Variants in LAMC1 observed in about 807,000 individuals in gnomAD.
The protein encoded by LAMC1 is laminin subunit gamma 1.
LAMC1 carries 38 observed loss-of-function variants against 173.6 expected under a neutral mutation model. The observed-to-expected ratio is 0.22, with a 90% CI of 0.17 to 0.29. The LOEUF is 0.29. Among genes scored for constraint, LAMC1 ranks in the 10% least tolerant of loss-of-function variants. The probability of loss-of-function intolerance (pLI) is 1.00; values close to 1 mark genes in which losing one functional copy is unlikely to be tolerated. For missense variants in LAMC1, 1,824 were observed against 2,051.8 expected, an observed-to-expected ratio of 0.89 and a Z score of 2.14; for synonymous variants, 746 against 749.1, an observed-to-expected ratio of 1.00 and a Z score of 0.07.
intron 2 of LAMC1, 22 bp downstream of exon 2, chr1:183,103,654 T>C: frequency 6.6e-7 from 1 of 1,522,020 alleles, no homozygotes; most frequent in South Asian, 1.3e-5. Context: ...CAGGTTGGCC[T>C]GAAGCCAGCT....
At chr1:183,041,559 C>A (rs146533619) in intron 1 of LAMC1, among the ~76,000 whole-genome samples, 1 of 152,186 alleles carries the variant, frequency 6.6e-6, no homozygotes, top group Non-Finnish European at 1.5e-5. Flanking sequence ...ATTGTTTTCT[C>A]TCTTTCCCCC....
At position 183,140,397 on chromosome 1, in the gene LAMC1, C is replaced by T. The variant is rs1244245295; in HGVS notation, c.4474-7C>T. 1 of 1,601,112 alleles carries T rather than the reference C, an allele frequency of 6.2e-7. No individual in the cohort carries two copies. Among genetic ancestry groups the T allele is most frequent in the South Asian group, 1.1e-5 (1 of 90,374 alleles). ...TCAAGACTCTTTGCCTCATTTTTCCCTTACAGGCTTCACAGGCTGCTCAAG... is the reference window on the plus strand; with the variant it reads ...TCAAGACTCTTTGCCTCATTTTTCCTTTACAGGCTTCACAGGCTGCTCAAG... On this transcript the variant is annotated splice_region_variant and splice_polypyrimidine_tract_variant and intron_variant, in intron 26 of 27. Coordinates refer to ENST00000258341, the MANE Select transcript of LAMC1 (RefSeq NM_002293.4).
rs143552800 is a variant in LAMC1, at chr1:183,124,993, G to A, written c.2647+117G>A. 2,169 of 1,342,978 alleles carry A rather than the reference G, an allele frequency of 1.6e-3. 3 individuals are homozygous for A. Among genetic ancestry groups the A allele is most frequent in the Non-Finnish European group, 2.0e-3 (1,946 of 992,426 alleles). The allele number at this position is 1,342,978 out of a possible 1,614,324, so 83.2% of individuals were successfully genotyped here. ...GTCCAATAGAAATACATTGTGAACC[G>A]CTTTTGTCTTTTAAAATTTTCTAGT... On this transcript the variant is annotated intron_variant, in intron 14 of 27. Transcript: ENST00000258341.
chr1:183,130,675 A>C, intron 19 of LAMC1, 126 bp downstream of exon 19: 1 of 717,140 alleles, frequency 1.4e-6, no homozygotes. Context: ...TTTGTCCCTA[A>C]ATATGGGGCA....
intron 23 of LAMC1, 77 bp from the exon 24 acceptor site, chr1:183,134,965 T>G: frequency 1.4e-6 from 2 of 1,387,338 alleles, no homozygotes; most frequent in South Asian, 1.2e-5. Context: ...GTGGCACCTC[T>G]GGAGAGCCTT....
rs202207093 is a variant in LAMC1, at chr1:183,127,364, G to T, written c.3083G>T (p.Cys1028Phe). The T allele has an allele frequency of 4.3e-6, 7 of 1,614,012 alleles. No homozygotes were observed. The highest frequency in any genetic ancestry group is 5.9e-6 in the Non-Finnish European group (7 of 1,180,002). Residue 1028 changes from cysteine (C) to phenylalanine (F), a missense_variant, in exon 17 of 28, where the codon TGC (cysteine) becomes TTC (phenylalanine). Coordinates refer to ENST00000258341, the MANE Select transcript of LAMC1 (RefSeq NM_002293.4). ...NYFYNRSWPGCQECPACYRLV... is the reference protein window; with the variant it reads ...NYFYNRSWPGFQECPACYRLV... ...TTCTACAATCGGTCTTGGCCTGGCTGCCAGGAATGTCCAGCTTGTTACCGG... is the reference window on the plus strand; with the variant it reads ...TTCTACAATCGGTCTTGGCCTGGCTTCCAGGAATGTCCAGCTTGTTACCGG...
chr1:183,132,487 A>G lies in LAMC1; in HGVS notation c.3654A>G (p.Thr1218=), dbSNP rs778723219. ...STEAYNLLLR[T]LAGENQTAFE... is the part of the protein sequence containing the mutation. The stretch of plus-strand genomic sequence containing the variant: ...AGGCATACAACCTGCTTCTGAGGAC[A>G]CTGGCAGGAGAAAATCAAACAGCAT... Residue 1218 remains threonine, a synonymous_variant, in exon 21 of 28, where the codon ACA becomes ACG. Coordinates refer to ENST00000258341, the MANE Select transcript of LAMC1 (RefSeq NM_002293.4). 5.6e-6 allele frequency: 9 copies of G among 1,613,856 alleles called. No homozygotes were observed. The highest frequency in any genetic ancestry group is 4.0e-5 in the African/African-American group (3 of 74,930).
At chr1:183,071,086 G>GTT (rs1423165417) in intron 1 of LAMC1, among the ~76,000 whole-genome samples, 36 of 146,072 alleles carry the variant, frequency 2.5e-4, no homozygotes, top group Admixed American at 7.4e-4. Context: ...GGTTTTTTTT[G>GTT]TTTTTGTTTT....
At chr1:183,106,830 A>G (rs1185356497) in intron 2 of LAMC1, among the ~76,000 whole-genome samples, 2 of 152,140 alleles carry the variant, frequency 1.3e-5, no homozygotes, top group Non-Finnish European at 2.9e-5. Context: ...TTTACACCAC[A>G]GCGGAAGTGA....
chr1:183,069,060 GTA>G (rs1654945098), intron 1 of LAMC1, among the ~76,000 whole-genome samples: 1 of 152,166 alleles, frequency 6.6e-6, no homozygotes, highest in South Asian at 2.1e-4. Flanking sequence ...TCTGCCTGGA[GTA>G]TATGTTTTAA....
intron 22 of LAMC1, among the ~76,000 whole-genome samples, chr1:183,134,111 G>A: frequency 6.6e-6 from 1 of 152,252 alleles, no homozygotes; most frequent in East Asian, 1.9e-4. Context: ...TTTCATATCT[G>A]TACTCTTAAT....
At chr1:183,032,885 T>C (rs1653882125) in intron 1 of LAMC1, among the ~76,000 whole-genome samples, 1 of 152,176 alleles carries the variant, frequency 6.6e-6, no homozygotes, top group African/African-American at 2.4e-5. Flanking sequence ...CTCTTTTTTT[T>C]CCCATCTTCT....
chr1:183,136,271 A>G (rs374001798), intron 24 of LAMC1, 115 bp from the exon 25 acceptor site: 3 of 863,246 alleles, frequency 3.5e-6, no homozygotes, highest in Admixed American at 2.4e-5. Flanking sequence ...GCTCTCTTCC[A>G]TTTTTTACCC....
At chr1:183,027,316 C>A (rs2102003831) in intron 1 of LAMC1, among the ~76,000 whole-genome samples, 1 of 152,158 alleles carries the variant, frequency 6.6e-6, no homozygotes, top group African/African-American at 2.4e-5. Flanking sequence ...TTTTTTGTTT[C>A]ACCTTCAACT....
At chr1:183,059,357 C>T (rs184094845) in intron 1 of LAMC1, among the ~76,000 whole-genome samples, 13 of 152,224 alleles carry the variant, frequency 8.5e-5, no homozygotes, top group Non-Finnish European at 1.6e-4. Context: ...GCCCACTTGC[C>T]CTGTTATATA....
Position 183,136,574 on chromosome 1 carries a change from G to A in LAMC1, c.4303G>A (p.Ala1435Thr), listed in dbSNP as rs150421474. ...KAHEAERIAS[A>T]VQKNATSTKA... ...CCATGAGGCGGAGAGGATCGCGAGCGCTGTCCAAAAGGTGTGCGTTTCCTC... is the reference window on the plus strand; with the variant it reads ...CCATGAGGCGGAGAGGATCGCGAGCACTGTCCAAAAGGTGTGCGTTTCCTC... Residue 1435 changes from alanine to threonine, a missense_variant, in exon 25 of 28, where the codon GCT becomes ACT. Coordinates refer to ENST00000258341, the MANE Select transcript of LAMC1 (RefSeq NM_002293.4). 7.5e-4 allele frequency: 1,202 copies of A among 1,602,792 alleles called. 1 individual carries two copies. The highest frequency in any genetic ancestry group is 8.6e-4 in the Non-Finnish European group (1,004 of 1,173,914).
chr1:183,053,082 G>A (rs12043539), intron 1 of LAMC1, among the ~76,000 whole-genome samples: 2 of 152,082 alleles, frequency 1.3e-5, no homozygotes, highest in Admixed American at 6.5e-5. Flanking sequence ...GGAGAGATCC[G>A]TCATTCTGAA....
intron 25 of LAMC1, among the ~76,000 whole-genome samples, chr1:183,137,309 C>T (rs940194656): frequency 1.2e-4 from 19 of 152,044 alleles, no homozygotes; most frequent in African/African-American, 4.4e-4. Context: ...TTTACCTCAG[C>T]GAAAGCATCT....
chr1:183,030,541 A>C (rs1278463982), intron 1 of LAMC1, among the ~76,000 whole-genome samples: 1 of 152,192 alleles, frequency 6.6e-6, no homozygotes, highest in Non-Finnish European at 1.5e-5. Context: ...GCTTGTGTTT[A>C]TTTTTTATCA....
Sources: gnomAD v4.1 joint callset for allele counts (sites outside exome capture counted in the v4.1 genomes callset) on GRCh38, gnomAD v4.1.1 for gene constraint, MANE v1.5 for transcripts, NCBI Gene and HGNC (gene_info 2026-07-23, HGNC 2026-07-21) for gene names.